SLC25A21: variants seen among roughly 807,000 people sequenced by gnomAD.
SLC25A21 encodes solute carrier family 25 member 21, also known as mitochondrial 2-oxodicarboxylate carrier.
In SLC25A21, 47 loss-of-function variants were observed where a neutral mutation model predicts 43.8. The observed-to-expected ratio is 1.07, with a 90% confidence interval of 0.85 to 1.37. The LOEUF is 1.37. SLC25A21 is among the 40% of genes most tolerant of loss of function. The pLI is 0.00. For synonymous variants in SLC25A21, 131 were observed against 121.3 expected (o/e 1.08, Z -0.52); for missense variants, 352 against 350.2 (o/e 1.00, Z -0.04).
At chr14:36,736,178 G>A (rs867961378) in intron 3 of SLC25A21, among the ~76,000 whole-genome samples, 110 of 152,032 alleles carry the variant, frequency 7.2e-4, no homozygotes, top group Middle Eastern at 3.4e-3. Flanking sequence ...CTCGTGATCC[G>A]CCTGCCTTGG....
chr14:37,125,439 C>T (rs1265399565), intron 1 of SLC25A21, among the ~76,000 whole-genome samples: 4 of 152,118 alleles, frequency 2.6e-5, no homozygotes, highest in Non-Finnish European at 4.4e-5. Context: ...CACTGTAAAA[C>T]AAGGCAGGTG....
intron 1 of SLC25A21, among the ~76,000 whole-genome samples, chr14:36,982,901 T>C (rs150535572): frequency 8.5e-5 from 13 of 152,292 alleles, no homozygotes; most frequent in Admixed American, 2.0e-4. Context: ...CAAGTGTGTT[T>C]CAAGAGGAAC....
At chr14:36,812,354 G>A (rs712339) in intron 3 of SLC25A21, among the ~76,000 whole-genome samples, 105,785 of 151,686 alleles carry the variant, frequency 0.7, 37,977 homozygotes, top group East Asian at 1. Context: ...TGGAAGGTAA[G>A]TTTGTCAACA....
chr14:36,778,928 A>C (rs1886933033), intron 3 of SLC25A21, among the ~76,000 whole-genome samples: 1 of 152,046 alleles, frequency 6.6e-6, no homozygotes, highest in Non-Finnish European at 1.5e-5. Context: ...TCCAGAATGT[A>C]TTCACCTTAT....
At chr14:36,705,049 C>T (rs769432176) in intron 7 of SLC25A21, among the ~76,000 whole-genome samples, 3 of 151,998 alleles carry the variant, frequency 2.0e-5, no homozygotes, top group African/African-American at 7.2e-5. Context: ...GTTACCGGGG[C>T]TTACCGTTAT....
chr14:36,983,108 G>A (rs1307689936), intron 1 of SLC25A21, among the ~76,000 whole-genome samples: 1 of 152,070 alleles, frequency 6.6e-6, no homozygotes, highest in Non-Finnish European at 1.5e-5. Flanking sequence ...TTTTTAAAAA[G>A]AAAAGTTACT....
chr14:37,017,525 G>T (rs1449856584), intron 1 of SLC25A21, among the ~76,000 whole-genome samples: 3 of 152,028 alleles, frequency 2.0e-5, no homozygotes, highest in African/African-American at 4.8e-5. Context: ...AATAGTGTGG[G>T]AATTGTCAAA....
intron 2 of SLC25A21, among the ~76,000 whole-genome samples, chr14:36,869,882 T>C (rs957979180): frequency 2.0e-5 from 3 of 152,182 alleles, no homozygotes; most frequent in Non-Finnish European, 2.9e-5. Flanking sequence ...AAAAGCCAAG[T>C]AATTTCCAAA....
chr14:37,167,298 C>T (rs1964045872), intron 1 of SLC25A21, among the ~76,000 whole-genome samples: 1 of 152,170 alleles, frequency 6.6e-6, no homozygotes, highest in South Asian at 2.1e-4. Context: ...CTACACAGTG[C>T]TTCTAAACTT....
chr14:37,052,463 C>T (rs1961729457), intron 1 of SLC25A21, among the ~76,000 whole-genome samples: 1 of 152,088 alleles, frequency 6.6e-6, no homozygotes, highest in African/African-American at 2.4e-5. Context: ...TTTAGAATTT[C>T]CCTTTTAAAT....
At chr14:36,828,466 C>A (rs1411435310) in intron 2 of SLC25A21, 2 of 152,190 alleles carry the variant, frequency 1.3e-5, no homozygotes, top group African/African-American at 4.8e-5. Flanking sequence ...GTATCACTCA[C>A]AAGATGGAAG....
At position 36,887,199 on chromosome 14, in the gene SLC25A21, CAT is replaced by C. The variant is rs911143254; in HGVS notation, c.71-12197_71-12196del. 1.6e-4 allele frequency among the ~76,000 whole-genome samples: 17 copies of C among 105,606 alleles called. No homozygotes were observed. The East Asian group carries it at 3.3e-3, about 20-fold the overall frequency. 69.3% of individuals were successfully genotyped at this position (105,606 alleles called of 152,430 possible). The stretch of plus-strand genomic sequence containing the variant: ...ATATGTGAGATATGTAATGCATGCA[CAT>C]GTGTGTCTACATATATATATATATA... On this transcript the variant is annotated intron_variant, in intron 1 of 9. Coordinates refer to ENST00000331299, the MANE Select transcript of SLC25A21 (RefSeq NM_030631.4).
chr14:36,902,587 T>C (rs2138599594), intron 1 of SLC25A21, among the ~76,000 whole-genome samples: 1 of 152,362 alleles, frequency 6.6e-6, no homozygotes, highest in South Asian at 2.1e-4. Flanking sequence ...AGAAATTATA[T>C]GATAAATTTG....
intron 1 of SLC25A21, among the ~76,000 whole-genome samples, chr14:36,876,938 T>TAGATAC (rs987309216): frequency 3.9e-5 from 3 of 76,642 alleles, no homozygotes; most frequent in African/African-American, 6.8e-5. Context: ...GATAGATAGA[T>TAGATAC]ACACACACAC....
intron 3 of SLC25A21, among the ~76,000 whole-genome samples, chr14:36,743,148 T>C (rs1041575000): frequency 6.6e-6 from 1 of 152,118 alleles, no homozygotes; most frequent in Non-Finnish European, 1.5e-5. Flanking sequence ...TAGTGTGATA[T>C]GAGAACCAGA....
In SLC25A21 at chr14:37,157,368, GA is replaced by G. The variant is rs113516133; in HGVS notation, c.70+14912del. ...CAGAGCAAGACTCTGACTCAAAAAG[GA>G]AAAAAAAAATCATATCAAGTATCTT... On this transcript the variant is annotated intron_variant, in intron 1 of 9. Coordinates refer to ENST00000331299, the MANE Select transcript of SLC25A21 (RefSeq NM_030631.4). 2.0e-3 allele frequency among the ~76,000 whole-genome samples: 302 copies of G among 147,440 alleles called. 1 individual carries two copies. Among genetic ancestry groups the G allele is most frequent in the African/African-American group, 7.3e-3 (296 of 40,298 alleles).
intron 1 of SLC25A21, among the ~76,000 whole-genome samples, chr14:37,162,663 A>G (rs1292589584): frequency 6.6e-6 from 1 of 152,214 alleles, no homozygotes; most frequent in Non-Finnish European, 1.5e-5. Flanking sequence ...GAGGATGTAG[A>G]GAAATAGGAA....
At chr14:36,929,812 C>G (rs1892239177) in intron 1 of SLC25A21, among the ~76,000 whole-genome samples, 1 of 152,198 alleles carries the variant, frequency 6.6e-6, no homozygotes. Context: ...TCCCGTTTGA[C>G]AGTCAGTCTA....
chr14:37,006,241 T>TAC (rs1266378678), intron 1 of SLC25A21, among the ~76,000 whole-genome samples: 2 of 152,140 alleles, frequency 1.3e-5, no homozygotes, highest in African/African-American at 4.8e-5. Flanking sequence ...TAAATATGAA[T>TAC]ACATGGGCTT....
Sources: allele counts gnomAD v4.1 joint callset (sites outside exome capture counted in the v4.1 genomes callset), GRCh38; gene constraint gnomAD v4.1.1; transcripts MANE v1.5; gene names NCBI Gene and HGNC (gene_info 2026-07-23, HGNC 2026-07-21).